Variants in ZFHX3 observed in about 807,000 individuals in gnomAD.
ZFHX3 encodes the protein zinc finger homeobox protein 3.
Under a neutral mutation model 279.1 loss-of-function variants are expected in ZFHX3, and 42 were observed. The observed-to-expected ratio is 0.15, with a 90% CI of 0.12 to 0.19. The LOEUF is 0.19. Ranked by LOEUF, ZFHX3 falls within the 10% of genes least tolerant of loss-of-function variation. The pLI, the probability that ZFHX3 is intolerant of heterozygous loss-of-function variation, is 1.00. For missense variants in ZFHX3, 4,981 were observed against 4,754.0 expected (o/e 1.05, Z -1.40); for synonymous variants, 2,293 against 1,957.8 (o/e 1.17, Z -4.52).
chr16:73,840,598 G>A (rs529643031), intron 1 of ZFHX3, among the ~76,000 whole-genome samples: 2 of 152,216 alleles, frequency 1.3e-5, no homozygotes, highest in South Asian at 2.1e-4. Context: ...CCAGAGTGTC[G>A]GGCTCTATTG....
intron 2 of ZFHX3, among the ~76,000 whole-genome samples, chr16:73,599,753 C>T (rs1192789428): frequency 1.4e-5 from 2 of 144,152 alleles, no homozygotes; most frequent in African/African-American, 5.1e-5. Flanking sequence ...AAAACAACAA[C>T]CTAAACCTTT....
At chr16:73,377,759 C>A (rs566725043) in intron 3 of ZFHX3, among the ~76,000 whole-genome samples, 138 of 151,420 alleles carry the variant, frequency 9.1e-4, no homozygotes, top group Non-Finnish European at 1.7e-3. Context: ...ACAGGCCAGG[C>A]GCGGTGGCTC....
intron 5 of ZFHX3, among the ~76,000 whole-genome samples, chr16:72,815,913 C>CA (rs1179855482): frequency 6.6e-6 from 1 of 152,150 alleles, no homozygotes; most frequent in African/African-American, 2.4e-5. Context: ...AGATATCTTA[C>CA]AATAGGGCAT....
intron 2 of ZFHX3, among the ~76,000 whole-genome samples, chr16:73,460,283 C>T (rs915870395): frequency 2.0e-5 from 3 of 152,064 alleles, no homozygotes; most frequent in Non-Finnish European, 2.9e-5. Flanking sequence ...TCTAAGTGGT[C>T]GCCTGTATCA....
At position 73,562,766 on chromosome 16, in the gene ZFHX3, G is replaced by C. The variant is rs142897245; in HGVS notation, c.-1546-106508C>G. On this transcript the variant is annotated intron_variant, in intron 2 of 17. Transcript: ENST00000641206. ...TATTTGGAAATAAAAAAGAGTACAGGCAAATCAAATGTCCCCATGTTTTTA... is the reference window on the plus strand; with the variant it reads ...TATTTGGAAATAAAAAAGAGTACAGCCAAATCAAATGTCCCCATGTTTTTA... Among the ~76,000 whole-genome samples, 32 of 151,906 alleles carry C rather than the reference G, an allele frequency of 2.1e-4. No individual in the cohort carries two copies. The East Asian group carries it at 6.2e-3, about 29-fold the overall frequency.
At chr16:73,350,686 C>A (rs1013837421) in intron 3 of ZFHX3, among the ~76,000 whole-genome samples, 1 of 152,182 alleles carries the variant, frequency 6.6e-6, no homozygotes, top group Non-Finnish European at 1.5e-5. Flanking sequence ...CCTGACCCTT[C>A]GGTCAAGTGC....
In ZFHX3 at chr16:73,582,559, C is replaced by A. The variant is rs940759424; in HGVS notation, c.-1547+97621G>T. On this transcript the variant is annotated intron_variant, in intron 2 of 17. Transcript: ENST00000641206. ...GCATGATCTTGGCTCACCACAAGCTCCACCTCCTGGGTTCAAGCGATTCTT... is the reference window on the plus strand; with the variant it reads ...GCATGATCTTGGCTCACCACAAGCTACACCTCCTGGGTTCAAGCGATTCTT... Among the ~76,000 whole-genome samples, 16 of 151,924 alleles carry A rather than the reference C, an allele frequency of 1.1e-4. 1 individual carries two copies. Among genetic ancestry groups the A allele is most frequent in the African/African-American group, 3.2e-4 (13 of 41,184 alleles).
At chr16:73,523,479 T>C (rs548905276) in intron 2 of ZFHX3, among the ~76,000 whole-genome samples, 26 of 152,084 alleles carry the variant, frequency 1.7e-4, no homozygotes, top group Admixed American at 6.5e-5. Context: ...TCTGAGTTCA[T>C]TGACATACAT....
intron 3 of ZFHX3, among the ~76,000 whole-genome samples, chr16:73,373,980 C>T (rs1019093461): frequency 3.9e-5 from 6 of 152,206 alleles, no homozygotes; most frequent in African/African-American, 1.2e-4. Context: ...CTACATAGTA[C>T]GTGCACTCTT....
chr16:72,994,802 G>A (rs938073778), intron 1 of ZFHX3, among the ~76,000 whole-genome samples: 6 of 152,232 alleles, frequency 3.9e-5, no homozygotes, highest in Middle Eastern at 3.2e-3. Context: ...CACAAGGGGC[G>A]GGGGTGTTTC....
chr16:73,206,258 T>C (rs1395882538), intron 5 of ZFHX3, among the ~76,000 whole-genome samples: 1 of 152,078 alleles, frequency 6.6e-6, no homozygotes, highest in Non-Finnish European at 1.5e-5. Flanking sequence ...CACCAGAAAA[T>C]ACATTTAATT....
chr16:73,647,081 C>T (rs1199221021), intron 2 of ZFHX3, among the ~76,000 whole-genome samples: 6 of 146,296 alleles, frequency 4.1e-5, no homozygotes, highest in African/African-American at 1.5e-4. Flanking sequence ...GGCGCGATCT[C>T]GGCGCACTGC....
chr16:73,064,855 G>A (rs1285956684), intron 8 of ZFHX3, among the ~76,000 whole-genome samples: 1 of 152,194 alleles, frequency 6.6e-6, no homozygotes, highest in Non-Finnish European at 1.5e-5. Flanking sequence ...GGCTCTCCCG[G>A]GTTCCACACC....
intron 1 of ZFHX3, among the ~76,000 whole-genome samples, chr16:73,806,690 C>T (rs765691017): frequency 6.6e-6 from 1 of 152,196 alleles, no homozygotes; most frequent in Non-Finnish European, 1.5e-5. Context: ...CCTTTGCTTC[C>T]TCATTGCTTG....
intron 4 of ZFHX3, among the ~76,000 whole-genome samples, chr16:72,884,769 G>A (rs2038580120): frequency 6.6e-6 from 1 of 152,162 alleles, no homozygotes; most frequent in Non-Finnish European, 1.5e-5. Flanking sequence ...AAACAGGGAA[G>A]CTGATCCTAC....
intron 2 of ZFHX3, among the ~76,000 whole-genome samples, chr16:73,639,692 G>A (rs527501774): frequency 6.6e-6 from 1 of 151,960 alleles, no homozygotes; most frequent in Non-Finnish European, 1.5e-5. Flanking sequence ...GTTAAACATG[G>A]TAGATTGAAC....
At chr16:73,563,678 T>G (rs1042077440) in intron 2 of ZFHX3, among the ~76,000 whole-genome samples, 5 of 152,182 alleles carry the variant, frequency 3.3e-5, no homozygotes, top group South Asian at 2.1e-4. Flanking sequence ...CTCCACATCC[T>G]GCAGTCCCCC....
chr16:73,777,505 T>C (rs1959295089), intron 1 of ZFHX3, among the ~76,000 whole-genome samples: 1 of 28,172 alleles, frequency 3.5e-5, no homozygotes, highest in East Asian at 1.0e-3. Flanking sequence ...TGAGACTCTG[T>C]CTCAAAAAAA....
chr16:72,866,746 C>G (rs1299610027), intron 4 of ZFHX3, among the ~76,000 whole-genome samples: 1 of 143,212 alleles, frequency 7.0e-6, no homozygotes, highest in East Asian at 2.3e-4. Context: ...TTTCACTATC[C>G]CAGAGGTTCT....
Sources: allele counts gnomAD v4.1 joint callset (sites outside exome capture counted in the v4.1 genomes callset), GRCh38; gene constraint gnomAD v4.1.1; transcripts MANE v1.5; gene names NCBI Gene and HGNC (gene_info 2026-07-23, HGNC 2026-07-21).